The following CCDC15 variants were observed in gnomAD, a reference collection of about 807,000 sequenced individuals.
CCDC15 encodes coiled-coil domain-containing protein 15.
A neutral mutation model predicts 114.5 loss-of-function variants in CCDC15; 105 were observed. That is an observed-to-expected ratio of 0.92 (90% CI 0.78 to 1.08). The LOEUF is 1.08. Ranked by LOEUF, CCDC15 falls within the 50% of genes least tolerant of loss-of-function variation. CCDC15 has a pLI of 0.00. For missense variants in CCDC15, 1,105 were observed against 1,093.6 expected (o/e 1.01, Z -0.15); for synonymous variants, 334 against 377.8 (o/e 0.88, Z 1.34).
intron 4 of CCDC15, among the ~76,000 whole-genome samples, chr11:124,962,050 A>G (rs547939180): frequency 1.8e-4 from 27 of 151,686 alleles, no homozygotes; most frequent in Non-Finnish European, 8.8e-5. Context: ...TTTTTTTTTT[A>G]AAAGGACATG....
chr11:125,034,194 A>G lies in CCDC15; in HGVS notation c.2412-4237A>G, dbSNP rs765678797. On this transcript the variant is annotated intron_variant, in intron 13 of 15. Coordinates refer to ENST00000344762, the MANE Select transcript of CCDC15 (RefSeq NM_025004.3). ...TGTGGGTCGGGGAGGGGATGTTGCC[A>G]CTACTGGGGATGAGAAAGCTGTTTC... Among the ~76,000 whole-genome samples the G allele has an allele frequency of 1.8e-3, 271 of 152,296 alleles. 4 individuals carry two copies. The highest frequency in any genetic ancestry group is 8.8e-4 in the Non-Finnish European group (60 of 68,016).
chr11:125,026,102 C>T (rs372647953), intron 13 of CCDC15, among the ~76,000 whole-genome samples: 1 of 152,136 alleles, frequency 6.6e-6, no homozygotes, highest in South Asian at 2.1e-4. Flanking sequence ...TGGTATCTCA[C>T]TAGCTGGCTT....
At chr11:125,012,591 A>T (rs563467925) in intron 13 of CCDC15, among the ~76,000 whole-genome samples, 60 of 152,336 alleles carry the variant, frequency 3.9e-4, no homozygotes, top group Admixed American at 1.0e-3. Flanking sequence ...CTGGAGAGTT[A>T]GAGAAAATAT....
Position 124,974,985 on chromosome 11 carries a change from G to T in CCDC15, c.517-111G>T, listed in dbSNP as rs369154437. 1.0e-5 allele frequency: 6 copies of T among 585,742 alleles called. No individual in the cohort carries two copies. The African/African-American group carries it at 1.2e-4, about 11-fold the overall frequency. 36.3% of individuals were successfully genotyped at this position (585,742 alleles called of 1,614,324 possible). On this transcript the variant is annotated intron_variant, in intron 4 of 15. Coordinates refer to ENST00000344762, the MANE Select transcript of CCDC15 (RefSeq NM_025004.3). ...CTTTGCAAGTAATCCTGTTGTCTTA[G>T]ATCTGGCATTTTTTAATAATAGGGA...
intron 2 of CCDC15, 41 bp downstream of exon 2, chr11:124,954,950 C>T (rs1380261944): frequency 6.3e-7 from 1 of 1,582,034 alleles, no homozygotes; most frequent in African/African-American, 1.3e-5. Context: ...GGTTCCCCAC[C>T]ACCCTTTTTA....
At chr11:124,991,622 C>A in intron 9 of CCDC15, 39 bp downstream of exon 9, 1 of 1,526,758 alleles carries the variant, frequency 6.5e-7, no homozygotes, top group Non-Finnish European at 8.9e-7. Context: ...GAAGGAAGTA[C>A]CCAGGTTTTA....
intron 5 of CCDC15, among the ~76,000 whole-genome samples, chr11:124,976,595 T>A (rs183806005): frequency 5.9e-5 from 9 of 152,152 alleles, no homozygotes; most frequent in Admixed American, 5.9e-4. Flanking sequence ...TACTGTTAGA[T>A]GAGGTGATTA....
chr11:125,003,830 A>G lies in CCDC15; in HGVS notation c.2215-37A>G, dbSNP rs553224571. ...AATTGTTCATGGGGTAGTTTTTGGT[A>G]ATTTTGTCACTTTGTGTGACTGGAC... is the stretch of plus-strand genomic sequence containing the variant. On this transcript the variant is annotated intron_variant, in intron 11 of 15. Transcript: ENST00000344762. The G allele has an allele frequency of 3.9e-6, 5 of 1,270,918 alleles. No homozygotes were observed. The Admixed American group carries it at 1.2e-4, about 32-fold the overall frequency. 78.7% of individuals were successfully genotyped at this position (1,270,918 alleles called of 1,614,324 possible).
intron 2 of CCDC15, among the ~76,000 whole-genome samples, chr11:124,956,156 A>T (rs1441673833): frequency 2.0e-5 from 3 of 151,010 alleles, no homozygotes; most frequent in African/African-American, 4.9e-5. Context: ...GACTTTGTTT[A>T]ATATTTACAG....
At chr11:124,999,507 T>C (rs554773107) in intron 11 of CCDC15, among the ~76,000 whole-genome samples, 38 of 152,274 alleles carry the variant, frequency 2.5e-4, no homozygotes, top group African/African-American at 8.9e-4. Context: ...ATCATTTATA[T>C]TGATCCAATA....
chr11:124,960,038 T>C, intron 4 of CCDC15, 35 bp downstream of exon 4: 3 of 1,471,656 alleles, frequency 2.0e-6, no homozygotes, highest in Non-Finnish European at 2.7e-6. Flanking sequence ...ATGTCTATGA[T>C]ATTTTCCCTA....
intron 6 of CCDC15, among the ~76,000 whole-genome samples, chr11:124,981,658 C>T (rs528958806): frequency 2.0e-5 from 3 of 152,210 alleles, no homozygotes; most frequent in South Asian, 4.1e-4. Flanking sequence ...CTCACTCTGT[C>T]GTCCAGGCAG....
At chr11:124,970,898 GTT>G (rs1947866149) in intron 4 of CCDC15, among the ~76,000 whole-genome samples, 1 of 152,024 alleles carries the variant, frequency 6.6e-6, no homozygotes, top group Non-Finnish European at 1.5e-5. Context: ...TACAATTTTC[GTT>G]TTGTTACAAA....
intron 15 of CCDC15, among the ~76,000 whole-genome samples, chr11:125,040,115 G>A (rs998408160): frequency 1.9e-4 from 29 of 151,580 alleles, no homozygotes; most frequent in African/African-American, 6.3e-4. Flanking sequence ...GCACGATCTC[G>A]GCTCACTGCA....
intron 15 of CCDC15, 140 bp downstream of exon 15, chr11:125,039,209 G>A (rs1335589554): frequency 1.5e-6 from 1 of 667,314 alleles, no homozygotes; most frequent in Non-Finnish European, 2.2e-6. Context: ...ATAACTATAT[G>A]AGGCAGTGAA....
intron 4 of CCDC15, among the ~76,000 whole-genome samples, chr11:124,961,713 A>T (rs990420511): frequency 2.6e-5 from 4 of 152,068 alleles, no homozygotes; most frequent in African/African-American, 9.7e-5. Context: ...TTTAGTAGAG[A>T]TGGGGTTTCA....
At chr11:125,038,770 G>T in intron 14 of CCDC15, 151 bp from the exon 15 acceptor site, 1 of 1,164,556 alleles carries the variant, frequency 8.6e-7, no homozygotes, top group Admixed American at 2.7e-5. Context: ...CTTCTTGGGT[G>T]TAGCCCTGCG....
chr11:125,030,715 C>G (rs1948732665), intron 13 of CCDC15, among the ~76,000 whole-genome samples: 1 of 152,178 alleles, frequency 6.6e-6, no homozygotes, highest in African/African-American at 2.4e-5. Context: ...GTGGCTGTAG[C>G]CAGGTCAGCC....
At chr11:124,968,834 T>G (rs1300993876) in intron 4 of CCDC15, among the ~76,000 whole-genome samples, 1 of 152,190 alleles carries the variant, frequency 6.6e-6, no homozygotes, top group African/African-American at 2.4e-5. Flanking sequence ...TGTGGCCATC[T>G]AATTCCTGCC....
Sources: allele counts gnomAD v4.1 joint callset (sites outside exome capture counted in the v4.1 genomes callset), GRCh38; gene constraint gnomAD v4.1.1; transcripts MANE v1.5; gene names NCBI Gene and HGNC (gene_info 2026-07-23, HGNC 2026-07-21).